Variants in GPATCH8 observed in about 807,000 individuals in gnomAD.
GPATCH8 encodes the protein G patch domain-containing protein 8.
A neutral mutation model predicts 118.3 loss-of-function variants in GPATCH8; 18 were observed. The observed-to-expected ratio is 0.15, with a 90% CI of 0.11 to 0.23. The LOEUF (loss-of-function observed/expected upper bound fraction) is 0.23. Among genes scored for constraint, GPATCH8 ranks in the 10% least tolerant of loss-of-function variants. The pLI is 1.00. For synonymous variants in GPATCH8, 659 were observed against 684.7 expected (o/e 0.96, Z 0.59); for missense variants, 1,631 against 1,873.8 (o/e 0.87, Z 2.39).
At chr17:44,433,667 A>G (rs933505258) in intron 5 of GPATCH8, among the ~76,000 whole-genome samples, 5 of 152,186 alleles carry the variant, frequency 3.3e-5, no homozygotes, top group African/African-American at 1.2e-4. Flanking sequence ...TAGAGAAAGA[A>G]TGTAGCCAGA....
intron 3 of GPATCH8, among the ~76,000 whole-genome samples, chr17:44,438,263 T>C (rs1419593207): frequency 1.3e-5 from 2 of 152,170 alleles, no homozygotes; most frequent in African/African-American, 4.8e-5. Context: ...AGAATTCGTT[T>C]TGCAAGAATC....
At chr17:44,459,318 A>G (rs1274608015) in intron 3 of GPATCH8, among the ~76,000 whole-genome samples, 1 of 152,230 alleles carries the variant, frequency 6.6e-6, no homozygotes, top group Non-Finnish European at 1.5e-5. Flanking sequence ...TATGTACTAT[A>G]CAATAGGTGT....
At chr17:44,467,784 G>A (rs911752207) in intron 2 of GPATCH8, among the ~76,000 whole-genome samples, 5 of 152,068 alleles carry the variant, frequency 3.3e-5, no homozygotes, top group African/African-American at 1.2e-4. Context: ...ATAAACACTC[G>A]TCAAAAATCC....
intron 1 of GPATCH8, among the ~76,000 whole-genome samples, chr17:44,480,796 G>A (rs1020704988): frequency 3.3e-5 from 5 of 151,864 alleles, no homozygotes; most frequent in Non-Finnish European, 5.9e-5. Flanking sequence ...GCTTGAACCC[G>A]GGCGGCAGAG....
intron 3 of GPATCH8, among the ~76,000 whole-genome samples, chr17:44,449,137 C>T (rs541022241): frequency 3.9e-5 from 6 of 151,972 alleles, no homozygotes; most frequent in Non-Finnish European, 5.9e-5. Flanking sequence ...ATTAGCCAGG[C>T]GTGATGGCAC....
intron 6 of GPATCH8, among the ~76,000 whole-genome samples, chr17:44,423,023 C>T (rs1294551512): frequency 6.6e-6 from 1 of 151,782 alleles, no homozygotes; most frequent in Non-Finnish European, 1.5e-5. Context: ...AATCCCAGCA[C>T]TTTGGGAGGC....
intron 1 of GPATCH8, among the ~76,000 whole-genome samples, chr17:44,487,402 A>G (rs1319798092): frequency 6.6e-6 from 1 of 152,222 alleles, no homozygotes; most frequent in Non-Finnish European, 1.5e-5. Context: ...CCATTCACCT[A>G]CTGAAGGATA....
At chr17:44,440,381 T>C (rs2050648528) in intron 3 of GPATCH8, among the ~76,000 whole-genome samples, 1 of 152,206 alleles carries the variant, frequency 6.6e-6, no homozygotes, top group South Asian at 2.1e-4. Context: ...ACTCATATTT[T>C]CTAAATCAAA....
chr17:44,443,472 T>C (rs1286672572), intron 3 of GPATCH8, among the ~76,000 whole-genome samples: 1 of 152,182 alleles, frequency 6.6e-6, no homozygotes, highest in Admixed American at 6.5e-5. Context: ...ATATGATATA[T>C]GCTACCTCTC....
At chr17:44,461,882 G>A (rs1455596638) in intron 3 of GPATCH8, among the ~76,000 whole-genome samples, 3 of 151,412 alleles carry the variant, frequency 2.0e-5, no homozygotes, top group Non-Finnish European at 4.4e-5. Context: ...GGTGTAGGGG[G>A]AGATAGAGAT....
intron 3 of GPATCH8, among the ~76,000 whole-genome samples, chr17:44,459,946 G>A (rs2051483264): frequency 6.6e-6 from 1 of 152,136 alleles, no homozygotes; most frequent in Non-Finnish European, 1.5e-5. Context: ...TTTTTCCTAG[G>A]AGCTAAACTT....
At chr17:44,487,056 C>T (rs1413837562) in intron 1 of GPATCH8, among the ~76,000 whole-genome samples, 1 of 151,832 alleles carries the variant, frequency 6.6e-6, no homozygotes, top group African/African-American at 2.4e-5. Flanking sequence ...TGATGTAGTT[C>T]TATGAGTTTT....
chr17:44,459,751 G>A (rs1260490839), intron 3 of GPATCH8, among the ~76,000 whole-genome samples: 3 of 152,006 alleles, frequency 2.0e-5, no homozygotes, highest in African/African-American at 7.2e-5. Context: ...AGCAAGACTT[G>A]AGGGACTGGG....
Position 44,397,032 on chromosome 17 carries a change from A to G in GPATCH8, c.*536T>C, listed in dbSNP as rs768083579. 1 of 454,020 alleles carries G rather than the reference A, an allele frequency of 2.2e-6. No homozygotes were observed. Among genetic ancestry groups the G allele is most frequent in the South Asian group, 1.6e-5 (1 of 64,476 alleles). The allele number at this position is 454,020 out of a possible 1,614,324, so 28.1% of individuals were successfully genotyped here. On this transcript the variant is annotated 3_prime_UTR_variant, in exon 8 of 8. Transcript: ENST00000591680. ...TCAGGTTCCAGGTGAGACGCTTTCC[A>G]CCTCACCTGGGATAACGTAACGTCA...
intron 4 of GPATCH8, among the ~76,000 whole-genome samples, chr17:44,435,664 G>C (rs935552186): frequency 2.7e-5 from 4 of 147,504 alleles, no homozygotes; most frequent in African/African-American, 9.8e-5. Flanking sequence ...TGATCTGCTT[G>C]TCTCGGCCTC....
At chr17:44,503,287 C>A in intron 1 of GPATCH8, 39 bp downstream of exon 1, 1 of 1,576,122 alleles carries the variant, frequency 6.3e-7, no homozygotes, top group Non-Finnish European at 8.7e-7. Flanking sequence ...TGGGCTAGAC[C>A]AGCGCCTTCC....
At position 44,403,503 on chromosome 17, in the gene GPATCH8, G is replaced by C. The variant is rs540141513; in HGVS notation, c.624-2050C>G. Among the ~76,000 whole-genome samples the C allele has an allele frequency of 2.0e-5, 3 of 152,232 alleles. No individual in the cohort carries two copies. In the South Asian group the frequency reaches 6.2e-4, roughly 32 times the overall value. ...CAAAGTGCTGGGATTACAGATGTGA[G>C]CCACTGCGCATCTGGCTTGCAATTT... On this transcript the variant is annotated intron_variant, in intron 7 of 7. Coordinates refer to ENST00000591680, the MANE Select transcript of GPATCH8 (RefSeq NM_001002909.4).
At chr17:44,479,814 A>G (rs1450205935) in intron 1 of GPATCH8, among the ~76,000 whole-genome samples, 1 of 152,060 alleles carries the variant, frequency 6.6e-6, no homozygotes, top group Admixed American at 6.6e-5. Context: ...TAAAAATACA[A>G]AAATTAGCCG....
intron 6 of GPATCH8, among the ~76,000 whole-genome samples, chr17:44,422,494 A>ATT (rs989600716): frequency 7.1e-6 from 1 of 141,416 alleles, no homozygotes; most frequent in African/African-American, 2.6e-5. Flanking sequence ...CTAGCCTAAA[A>ATT]TTTTTTTTTT....
Sources: allele counts gnomAD v4.1 joint callset (sites outside exome capture counted in the v4.1 genomes callset), GRCh38; gene constraint gnomAD v4.1.1; transcripts MANE v1.5; gene names NCBI Gene and HGNC (gene_info 2026-07-23, HGNC 2026-07-21).